Variants in DPP10 observed in about 807,000 individuals in gnomAD.
DPP10 encodes inactive dipeptidyl peptidase 10.
DPP10 carries 33 observed loss-of-function variants against 120.9 expected under a neutral mutation model. That is an observed-to-expected ratio of 0.27 (90% CI 0.21 to 0.37). The LOEUF (loss-of-function observed/expected upper bound fraction) is 0.37, where lower values mean the gene tolerates loss of function less well. Among genes scored for constraint, DPP10 ranks in the 10% least tolerant of loss-of-function variants. DPP10 has a pLI of 1.00. For missense variants in DPP10, 816 were observed against 942.8 expected (o/e 0.87, Z 1.76); for synonymous variants, 337 against 326.1 (o/e 1.03, Z -0.36).
intron 1 of DPP10, chr2:114,835,166 C>A (rs977107914): frequency 4.0e-5 from 6 of 149,272 alleles, no homozygotes; most frequent in Admixed American, 4.0e-4. Flanking sequence ...TAAGCCATAT[C>A]TACACACCTA....
intron 1 of DPP10, among the ~76,000 whole-genome samples, chr2:114,788,705 T>C (rs1048414692): frequency 6.6e-6 from 1 of 152,240 alleles, no homozygotes; most frequent in Non-Finnish European, 1.5e-5. Flanking sequence ...TTATAAGTAG[T>C]AATACTGGAT....
chr2:114,797,216 C>T (rs376844114), intron 1 of DPP10, among the ~76,000 whole-genome samples: 1 of 152,164 alleles, frequency 6.6e-6, no homozygotes, highest in African/African-American at 2.4e-5. Flanking sequence ...GGAACCAAGA[C>T]CAGAAAGCTG....
Position 114,706,493 on chromosome 2 carries a change from A to T in DPP10, c.60+263655A>T, listed in dbSNP as rs1700693314. Among the ~76,000 whole-genome samples the T allele has an allele frequency of 2.6e-5, 4 of 152,246 alleles. No homozygotes were observed. The South Asian group carries it at 8.3e-4, about 32-fold the overall frequency. On this transcript the variant is annotated intron_variant, in intron 1 of 25. Transcript: ENST00000410059. ...ATGGGTGATTTTGGTAACACTTGGCATTTTTTGACTTGCAGACACATCCCT... is the reference window on the plus strand; with the variant it reads ...ATGGGTGATTTTGGTAACACTTGGCTTTTTTTGACTTGCAGACACATCCCT...
rs192403889 is a variant in DPP10 at position 114,713,620 on chromosome 2, A to G, written c.60+270782A>G. Among the ~76,000 whole-genome samples, 3 of 152,320 alleles carry G rather than the reference A, an allele frequency of 2.0e-5. No individual in the cohort carries two copies. The East Asian group carries it at 5.8e-4, about 29-fold the overall frequency. ...ATATGATCCAAGATAAAATCATTCAATCTATGATTCCCACACTCAAGAAAT... is the reference window on the plus strand; with the variant it reads ...ATATGATCCAAGATAAAATCATTCAGTCTATGATTCCCACACTCAAGAAAT... On this transcript the variant is annotated intron_variant, in intron 1 of 25. Coordinates refer to ENST00000410059, the MANE Select transcript of DPP10 (RefSeq NM_020868.6).
At chr2:115,401,162 G>T (rs2068045699) in intron 3 of DPP10, among the ~76,000 whole-genome samples, 1 of 152,262 alleles carries the variant, frequency 6.6e-6, no homozygotes, top group Non-Finnish European at 1.5e-5. Flanking sequence ...GAAGACTTGA[G>T]GACTCACTTC....
chr2:115,442,713 T>A (rs1315460917), intron 3 of DPP10, among the ~76,000 whole-genome samples: 1 of 152,188 alleles, frequency 6.6e-6, no homozygotes, highest in African/African-American at 2.4e-5. Flanking sequence ...TTTGTCCTTT[T>A]CAGATCTATG....
At chr2:115,313,746 TGAAGA>T (rs983088582) in intron 2 of DPP10, among the ~76,000 whole-genome samples, 15 of 152,208 alleles carry the variant, frequency 9.9e-5, no homozygotes, top group African/African-American at 3.6e-4. Flanking sequence ...CCTTGCCTTG[TGAAGA>T]GAAGTCCTAA....
chr2:115,481,613 A>C (rs2075433646), intron 3 of DPP10, among the ~76,000 whole-genome samples: 1 of 152,236 alleles, frequency 6.6e-6, no homozygotes, highest in Admixed American at 6.5e-5. Context: ...CAGCTCTACA[A>C]AACATTTTGG....
chr2:115,258,835 G>A (rs1000647605), intron 1 of DPP10, among the ~76,000 whole-genome samples: 5 of 152,166 alleles, frequency 3.3e-5, no homozygotes, highest in Non-Finnish European at 7.3e-5. Flanking sequence ...GCTGCACTGA[G>A]CTGTGATAGC....
At chr2:115,726,345 A>T (rs1223054414) in intron 7 of DPP10, among the ~76,000 whole-genome samples, 1 of 152,188 alleles carries the variant, frequency 6.6e-6, no homozygotes, top group Non-Finnish European at 1.5e-5. Context: ...TCTTGTGTAC[A>T]GTCCACCCTG....
chr2:115,742,292 A>T (rs116378797), intron 9 of DPP10, among the ~76,000 whole-genome samples: 1,985 of 152,236 alleles, frequency 0.013, 23 homozygotes, highest in South Asian at 0.028. Flanking sequence ...CACAGCTGGA[A>T]TCCAAACATC....
At chr2:115,530,885 G>T (rs974129624) in intron 5 of DPP10, among the ~76,000 whole-genome samples, 1 of 152,070 alleles carries the variant, frequency 6.6e-6, no homozygotes, top group Non-Finnish European at 1.5e-5. Context: ...ATAATGTGCA[G>T]CTAGGGTTGA....
At chr2:115,704,270 T>A (rs189180378) in intron 7 of DPP10, among the ~76,000 whole-genome samples, 1 of 152,120 alleles carries the variant, frequency 6.6e-6, no homozygotes, top group East Asian at 1.9e-4. Flanking sequence ...TCAAAAGTCT[T>A]TGTTAAATAC....
chr2:114,750,746 G>A (rs1209386255), intron 1 of DPP10, among the ~76,000 whole-genome samples: 1 of 144,074 alleles, frequency 6.9e-6, no homozygotes, highest in African/African-American at 2.6e-5. Flanking sequence ...TGGCTGGCTG[G>A]CTTTCAGGAA....
chr2:115,527,234 A>G (rs1190087687), intron 5 of DPP10, among the ~76,000 whole-genome samples: 2 of 152,108 alleles, frequency 1.3e-5, no homozygotes, highest in African/African-American at 4.8e-5. Context: ...ACTATGCCTA[A>G]TAGATTGTTG....
At chr2:114,534,538 C>G (rs1686323684) in intron 1 of DPP10, among the ~76,000 whole-genome samples, 1 of 152,168 alleles carries the variant, frequency 6.6e-6, no homozygotes, top group Non-Finnish European at 1.5e-5. Context: ...GAAAACCCTC[C>G]CACTCTTCCT....
chr2:114,474,108 C>A lies in DPP10; in HGVS notation c.60+31270C>A, dbSNP rs147229685. Among the ~76,000 whole-genome samples the A allele has an allele frequency of 9.0e-3, 1,364 of 152,248 alleles. 15 individuals carry two copies. The highest frequency in any genetic ancestry group is 0.031 in the African/African-American group (1,283 of 41,562). On this transcript the variant is annotated intron_variant, in intron 1 of 25. Coordinates refer to ENST00000410059, the MANE Select transcript of DPP10 (RefSeq NM_020868.6). ...GAGTAGCTGGGATTACAGGCGTGCA[C>A]CACCAGGCCCGGCTAATATTTTATA...
intron 13 of DPP10, among the ~76,000 whole-genome samples, chr2:115,772,452 G>A (rs1298047414): frequency 6.6e-6 from 1 of 152,036 alleles, no homozygotes; most frequent in Non-Finnish European, 1.5e-5. Flanking sequence ...ATATATGAAA[G>A]CAAAATTTGT....
intron 1 of DPP10, among the ~76,000 whole-genome samples, chr2:114,673,485 T>C (rs1018156331): frequency 6.6e-6 from 1 of 152,140 alleles, no homozygotes; most frequent in African/African-American, 2.4e-5. Flanking sequence ...AGTCTTGCTC[T>C]GTCACCTAGG....
Sources: allele counts gnomAD v4.1 joint callset (sites outside exome capture counted in the v4.1 genomes callset), GRCh38; gene constraint gnomAD v4.1.1; transcripts MANE v1.5; gene names NCBI Gene and HGNC (gene_info 2026-07-23, HGNC 2026-07-21).